The following MYRIP variants were observed in gnomAD, a reference collection of about 807,000 sequenced individuals.
The protein encoded by MYRIP is myosin VIIA and Rab interacting protein, also known as rab effector MyRIP.
A neutral mutation model predicts 98.0 loss-of-function variants in MYRIP; 49 were observed. The ratio of observed to expected loss-of-function variants is 0.50; its 90% CI spans 0.40 to 0.63. The LOEUF (loss-of-function observed/expected upper bound fraction) is 0.63. MYRIP is among the 30% of genes least tolerant of loss of function. MYRIP has a pLI of 0.00. For missense variants in MYRIP, 1,004 were observed against 1,058.2 expected (o/e 0.95, Z 0.71); for synonymous variants, 404 against 409.5 (o/e 0.99, Z 0.16).
chr3:39,911,018 A>G (rs1231762158), intron 2 of MYRIP, among the ~76,000 whole-genome samples: 2 of 152,150 alleles, frequency 1.3e-5, no homozygotes, highest in African/African-American at 4.8e-5. Flanking sequence ...GGTTTATTAC[A>G]CAGTTTAAAA....
chr3:39,936,055 G>A (rs936340127), intron 2 of MYRIP, among the ~76,000 whole-genome samples: 5 of 152,022 alleles, frequency 3.3e-5, no homozygotes, highest in Non-Finnish European at 7.4e-5. Context: ...CAAATATTAT[G>A]TTATTCAAAT....
chr3:39,883,090 A>T (rs547397348), intron 1 of MYRIP, among the ~76,000 whole-genome samples: 5 of 152,180 alleles, frequency 3.3e-5, no homozygotes, highest in African/African-American at 4.8e-5. Flanking sequence ...ATTTGAGGCC[A>T]GTTTTTTCCT....
chr3:40,024,455 G>A (rs1267031891), intron 2 of MYRIP, among the ~76,000 whole-genome samples: 2 of 152,062 alleles, frequency 1.3e-5, no homozygotes, highest in African/African-American at 4.8e-5. Context: ...TGCAGAGAGA[G>A]ATGGGACAGT....
At chr3:40,110,881 G>GGT (rs58040369) in intron 3 of MYRIP, among the ~76,000 whole-genome samples, 397 of 147,798 alleles carry the variant, frequency 2.7e-3, no homozygotes, top group Middle Eastern at 0.01. Context: ...TTCATGAAGG[G>GGT]GTGTGTGTGT....
At chr3:39,849,936 C>T (rs1942076701) in intron 1 of MYRIP, among the ~76,000 whole-genome samples, 1 of 152,192 alleles carries the variant, frequency 6.6e-6, no homozygotes, top group African/African-American at 2.4e-5. Context: ...TAAGAGACAA[C>T]TTTAAAAGTT....
At chr3:39,992,458 T>C (rs933040122) in intron 2 of MYRIP, among the ~76,000 whole-genome samples, 5 of 152,218 alleles carry the variant, frequency 3.3e-5, no homozygotes, top group Non-Finnish European at 7.3e-5. Context: ...CTTGCAGCTT[T>C]TTCAAATAGT....
At chr3:40,104,446 G>A (rs553078942) in intron 3 of MYRIP, among the ~76,000 whole-genome samples, 39 of 152,148 alleles carry the variant, frequency 2.6e-4, no homozygotes, top group Admixed American at 4.6e-4. Flanking sequence ...TGAAGTAATC[G>A]GTGTCTACTT....
chr3:39,904,573 T>C (rs1943830527), intron 2 of MYRIP, among the ~76,000 whole-genome samples: 2 of 152,026 alleles, frequency 1.3e-5, no homozygotes, highest in African/African-American at 2.4e-5. Flanking sequence ...GTATTTAGAA[T>C]GGATGTGATA....
chr3:40,150,671 G>C (rs959299748), intron 3 of MYRIP, among the ~76,000 whole-genome samples: 1 of 152,216 alleles, frequency 6.6e-6, no homozygotes, highest in African/African-American at 2.4e-5. Flanking sequence ...TCGCATCTAA[G>C]TTCACTCATG....
intron 11 of MYRIP, among the ~76,000 whole-genome samples, chr3:40,218,299 C>T (rs957924814): frequency 2.6e-4 from 39 of 151,840 alleles, no homozygotes; most frequent in African/African-American, 6.3e-4. Context: ...CATTATGCTG[C>T]GGGAAAAAAG....
intron 3 of MYRIP, among the ~76,000 whole-genome samples, chr3:40,093,647 T>G (rs535111413): frequency 1.3e-5 from 2 of 152,364 alleles, no homozygotes; most frequent in South Asian, 2.1e-4. Context: ...CACACTGGGA[T>G]AGCAGTGCAC....
At chr3:40,250,591 C>G in intron 15 of MYRIP, 92 bp downstream of exon 15, 3 of 1,401,006 alleles carry the variant, frequency 2.1e-6, no homozygotes, top group Non-Finnish European at 2.0e-6. Context: ...AGAATTAGAT[C>G]TAATGGAGTG....
At chr3:40,159,135 G>A (rs1950317179) in intron 4 of MYRIP, among the ~76,000 whole-genome samples, 1 of 152,110 alleles carries the variant, frequency 6.6e-6, no homozygotes, top group African/African-American at 2.4e-5. Flanking sequence ...GCTGGTATCG[G>A]TTGTTCCTTT....
chr3:39,855,806 A>G (rs935732053), intron 1 of MYRIP, among the ~76,000 whole-genome samples: 2 of 151,968 alleles, frequency 1.3e-5, no homozygotes, highest in Non-Finnish European at 2.9e-5. Flanking sequence ...GCACTCCTGC[A>G]CTTGTGTCTG....
intron 3 of MYRIP, among the ~76,000 whole-genome samples, chr3:40,102,688 T>C (rs1260006215): frequency 6.6e-6 from 1 of 152,028 alleles, no homozygotes; most frequent in Non-Finnish European, 1.5e-5. Flanking sequence ...GATTTCTCTG[T>C]AGCAGCCGGG....
In MYRIP at chr3:40,171,086, C is replaced by A. The variant is rs548001041; in HGVS notation, c.873+993C>A. 2.6e-5 allele frequency among the ~76,000 whole-genome samples: 4 copies of A among 152,204 alleles called. No individual in the cohort carries two copies. The South Asian group carries it at 8.3e-4, about 32-fold the overall frequency. ...AAACTTCATTGATTTATCAGCAGAA[C>A]CTTTCCTTGTCAACGTGCTGTCAGC... On this transcript the variant is annotated intron_variant, in intron 8 of 16. Transcript: ENST00000302541.
In MYRIP at chr3:40,118,559, G is replaced by GTTTATTTA. The variant is rs200357639; in HGVS notation, c.333-32461_333-32454dup. Among the ~76,000 whole-genome samples the GTTTATTTA allele has an allele frequency of 5.6e-3, 831 of 147,114 alleles. 7 individuals are homozygous for GTTTATTTA. Among genetic ancestry groups the GTTTATTTA allele is most frequent in the African/African-American group, 0.018 (733 of 40,200 alleles). On this transcript the variant is annotated intron_variant, in intron 3 of 16. Coordinates refer to ENST00000302541, the MANE Select transcript of MYRIP (RefSeq NM_015460.4). ...ACTTTTTTTTTTCCCTGGGTTGAAG[G>GTTTATTTA]TTTATTTATTTATTTATTTATTTAT...
At chr3:39,857,255 G>GAGGGAGGAAGGAAGGAAGGA (rs1553639786) in intron 1 of MYRIP, among the ~76,000 whole-genome samples, 3 of 135,972 alleles carry the variant, frequency 2.2e-5, no homozygotes, top group African/African-American at 3.0e-5. Flanking sequence ...GGGAGGGAGG[G>GAGGGAGGAAGGAAGGAAGGA]AGGAAGGAAG....
chr3:40,053,933 G>A (rs6764647), intron 3 of MYRIP, among the ~76,000 whole-genome samples: 7,306 of 152,198 alleles, frequency 0.048, 384 homozygotes, highest in South Asian at 0.15. Flanking sequence ...ACCTGAACAG[G>A]GGAGTAACCA....
Sources: gnomAD v4.1 joint callset for allele counts (sites outside exome capture counted in the v4.1 genomes callset) on GRCh38, gnomAD v4.1.1 for gene constraint, MANE v1.5 for transcripts, NCBI Gene and HGNC (gene_info 2026-07-23, HGNC 2026-07-21) for gene names.